Variants in ADCY2 observed in about 807,000 individuals in gnomAD.
The protein encoded by ADCY2 is adenylate cyclase 2, also known as adenylate cyclase type 2.
A neutral mutation model predicts 125.2 loss-of-function variants in ADCY2; 31 were observed. The observed-to-expected ratio is 0.25, with a 90% CI of 0.19 to 0.33. ADCY2 has a LOEUF of 0.33. ADCY2 is among the 10% of genes least tolerant of loss of function. The pLI is 1.00. For synonymous variants in ADCY2, 512 were observed against 548.4 expected (o/e 0.93, Z 0.93); for missense variants, 904 against 1,418.2 (o/e 0.64, Z 5.82).
chr5:7,769,663 C>T (rs893997220), intron 17 of ADCY2, among the ~76,000 whole-genome samples: 2 of 152,060 alleles, frequency 1.3e-5, no homozygotes, highest in Non-Finnish European at 2.9e-5. Flanking sequence ...AGATCTTTGC[C>T]AAGTTGTTTG....
intron 17 of ADCY2, among the ~76,000 whole-genome samples, chr5:7,769,295 C>T (rs545955953): frequency 6.6e-6 from 1 of 152,140 alleles, no homozygotes; most frequent in Non-Finnish European, 1.5e-5. Flanking sequence ...TTTTAAAATA[C>T]ATTTTATTGT....
intron 4 of ADCY2, among the ~76,000 whole-genome samples, chr5:7,637,431 C>CAAAAAA (rs71591740): frequency 1.3e-5 from 1 of 74,596 alleles, no homozygotes. Flanking sequence ...GACTCCGTCT[C>CAAAAAA]AAAAAAAAAA....
chr5:7,444,655 A>T (rs1460667149), intron 2 of ADCY2, among the ~76,000 whole-genome samples: 1 of 152,150 alleles, frequency 6.6e-6, no homozygotes, highest in Non-Finnish European at 1.5e-5. Flanking sequence ...ATAGTCTCTA[A>T]GGAACAGGAT....
At chr5:7,569,516 G>C (rs146872598) in intron 3 of ADCY2, among the ~76,000 whole-genome samples, 89 of 152,240 alleles carry the variant, frequency 5.8e-4, no homozygotes, top group African/African-American at 2.1e-3. Context: ...ACCTGTCATC[G>C]ACACACTCCA....
chr5:7,585,558 T>C (rs1476253404), intron 3 of ADCY2, among the ~76,000 whole-genome samples: 1 of 152,228 alleles, frequency 6.6e-6, no homozygotes, highest in African/African-American at 2.4e-5. Flanking sequence ...ACTGAAGTTT[T>C]CCATAGTTAC....
intron 14 of ADCY2, among the ~76,000 whole-genome samples, chr5:7,732,180 G>A (rs1742123879): frequency 6.6e-6 from 1 of 152,168 alleles, no homozygotes; most frequent in South Asian, 2.1e-4. Flanking sequence ...GCACTAAGGA[G>A]GTCAAGTGAA....
At chr5:7,576,125 C>T (rs1331929290) in intron 3 of ADCY2, among the ~76,000 whole-genome samples, 2 of 152,218 alleles carry the variant, frequency 1.3e-5, no homozygotes, top group African/African-American at 4.8e-5. Flanking sequence ...GCCTTCCCTC[C>T]TCCCAGCCCC....
At chr5:7,548,434 G>A (rs1397665203) in intron 3 of ADCY2, among the ~76,000 whole-genome samples, 1 of 152,066 alleles carries the variant, frequency 6.6e-6, no homozygotes, top group Non-Finnish European at 1.5e-5. Context: ...AACTGGGTGA[G>A]AAAATAAAAT....
chr5:7,576,284 G>C (rs150373031), intron 3 of ADCY2, among the ~76,000 whole-genome samples: 171 of 152,326 alleles, frequency 1.1e-3, no homozygotes, highest in Non-Finnish European at 2.0e-3. Flanking sequence ...TGACTCCTTG[G>C]GGGAGGGACA....
chr5:7,602,409 T>C (rs1323761162), intron 3 of ADCY2, among the ~76,000 whole-genome samples: 1 of 152,156 alleles, frequency 6.6e-6, no homozygotes, highest in Non-Finnish European at 1.5e-5. Flanking sequence ...CCAGGTACAC[T>C]CCAGGATGTC....
At chr5:7,775,194 T>TGC (rs1432887635) in intron 18 of ADCY2, among the ~76,000 whole-genome samples, 2 of 151,408 alleles carry the variant, frequency 1.3e-5, no homozygotes, top group Non-Finnish European at 2.9e-5. Flanking sequence ...TGTGTGTGTG[T>TGC]GTGTGTGTGT....
At chr5:7,663,967 T>C (rs1579291835) in intron 4 of ADCY2, among the ~76,000 whole-genome samples, 1 of 152,190 alleles carries the variant, frequency 6.6e-6, no homozygotes, top group Non-Finnish European at 1.5e-5. Flanking sequence ...ATTTCCGAAG[T>C]GTGACTCTTT....
rs1294791275 is a variant in ADCY2 at position 7,727,238 on chromosome 5, T to G, written c.1848T>G (p.Ile616Met). 1 of 1,614,082 alleles carries G rather than the reference T, an allele frequency of 6.2e-7. No individual in the cohort carries two copies. The highest frequency in any genetic ancestry group is 8.5e-7 in the Non-Finnish European group (1 of 1,179,934). The change falls in exon 14 of 25, where the codon ATT becomes ATG. Residue 616 changes from isoleucine to methionine, a missense_variant. Coordinates refer to ENST00000338316, the MANE Select transcript of ADCY2 (RefSeq NM_020546.3). ...GTCTCATATTCTTCTGCATCTTCAT[T>G]GTGCAGATTCTCGTGCTGCCAAAGT... is the stretch of plus-strand genomic sequence containing the variant. ...CACLIFFCIF[I>M]VQILVLPKTS...
chr5:7,664,308 T>A (rs1294203928), intron 4 of ADCY2, among the ~76,000 whole-genome samples: 2 of 152,228 alleles, frequency 1.3e-5, no homozygotes, highest in Non-Finnish European at 2.9e-5. Flanking sequence ...TTAAAAATTT[T>A]ACTTCAACTG....
At chr5:7,397,777 T>C (rs1160261856) in intron 1 of ADCY2, among the ~76,000 whole-genome samples, 1 of 152,076 alleles carries the variant, frequency 6.6e-6, no homozygotes, top group Non-Finnish European at 1.5e-5. Context: ...AGAATAGAAA[T>C]AGAATGTAGG....
chr5:7,408,198 T>C (rs1739575876), intron 1 of ADCY2, among the ~76,000 whole-genome samples: 1 of 148,968 alleles, frequency 6.7e-6, no homozygotes, highest in Admixed American at 6.7e-5. Context: ...CCAAGAACTC[T>C]AGAGGGAAGG....
chr5:7,570,307 G>A (rs1426733359), intron 3 of ADCY2, among the ~76,000 whole-genome samples: 1 of 152,096 alleles, frequency 6.6e-6, no homozygotes, highest in Non-Finnish European at 1.5e-5. Flanking sequence ...ATATCATCAT[G>A]AGAAACTTAA....
At chr5:7,609,495 A>C (rs1032499290) in intron 3 of ADCY2, among the ~76,000 whole-genome samples, 5 of 152,232 alleles carry the variant, frequency 3.3e-5, no homozygotes, top group African/African-American at 1.2e-4. Flanking sequence ...TCCAATTCTT[A>C]TGTACTGAAT....
At chr5:7,771,959 A>G (rs1376200164) in intron 17 of ADCY2, among the ~76,000 whole-genome samples, 1 of 152,006 alleles carries the variant, frequency 6.6e-6, no homozygotes, top group Non-Finnish European at 1.5e-5. Flanking sequence ...GTTCACAGAA[A>G]CCCCGTAATG....
Sources: allele counts gnomAD v4.1 joint callset (sites outside exome capture counted in the v4.1 genomes callset), GRCh38; gene constraint gnomAD v4.1.1; transcripts MANE v1.5; gene names NCBI Gene and HGNC (gene_info 2026-07-23, HGNC 2026-07-21).